KANK1: variants seen among roughly 807,000 people sequenced by gnomAD.
KANK1 encodes KN motif and ankyrin repeat domains 1.
A neutral mutation model predicts 106.2 loss-of-function variants in KANK1; 109 were observed. That is an observed-to-expected ratio of 1.03 (90% CI 0.88 to 1.20). KANK1 has a LOEUF of 1.20. Ranked by LOEUF, KANK1 falls within the 50% of genes most tolerant of loss-of-function variation. The pLI, the probability that KANK1 is intolerant of heterozygous loss-of-function variation, is 0.00. For synonymous variants in KANK1, 873 were observed against 652.2 expected, an observed-to-expected ratio of 1.34 and a Z score of -5.16; for missense variants, 2,399 against 1,710.7, an observed-to-expected ratio of 1.40 and a Z score of -7.10.
At chr9:597,912 G>T (rs1007458255) in intron 1 of KANK1, among the ~76,000 whole-genome samples, 1 of 151,414 alleles carries the variant, frequency 6.6e-6, no homozygotes, top group Admixed American at 6.6e-5. Context: ...TGATCCACCC[G>T]CCTCAGCCTC....
chr9:713,159 G>T lies in KANK1; in HGVS notation c.2393G>T (p.Gly798Val). The T allele has an allele frequency of 6.3e-7, 1 of 1,590,744 alleles. No individual in the cohort carries two copies. The highest frequency in any genetic ancestry group is 8.6e-7 in the Non-Finnish European group (1 of 1,167,446). Residue 798 changes from glycine (G) to valine (V), a missense_variant, in exon 3 of 12, where the codon GGG (glycine) becomes GTG (valine). Gly to Val is a moderately radical substitution (Grantham distance 109). Coordinates refer to ENST00000382297, the MANE Select transcript of KANK1 (RefSeq NM_015158.5). ...VGLTASRRSVGVGDDPVGESL... is the reference protein window; with the variant it reads ...VGLTASRRSVVVGDDPVGESL... ...CTGACAGCCAGCAGAAGGAGCGTGG[G>T]GGTTGGGGATGACCCTGTAGGGGAA...
At chr9:692,497 T>G (rs909987439) in intron 2 of KANK1, among the ~76,000 whole-genome samples, 1 of 127,326 alleles carries the variant, frequency 7.9e-6, no homozygotes, top group African/African-American at 2.8e-5. Flanking sequence ...TTGGGTTAGA[T>G]TTTTTCTTCC....
chr9:658,770 T>A lies in KANK1; in HGVS notation c.-83-18120T>A, dbSNP rs984134085. On this transcript the variant is annotated intron_variant, in intron 1 of 11. Transcript: ENST00000382297. ...CTGAAAGAGTTTTTCTTTTCTGAAA[T>A]GCCTTTGTCAAAAATCGCATAGGCA... Among the ~76,000 whole-genome samples, 79 of 152,226 alleles carry A rather than the reference T, an allele frequency of 5.2e-4. 6 individuals are homozygous for A.
chr9:501,332 A>C (rs954218926), upstream of KANK1, among the ~76,000 whole-genome samples: 3 of 152,168 alleles, frequency 2.0e-5, no homozygotes, highest in African/African-American at 7.2e-5. Flanking sequence ...GTCTGCCCCC[A>C]AGGTTTTCAG....
chr9:493,812 G>T (rs542536577), intron 3 of KANK1, among the ~76,000 whole-genome samples: 5 of 152,000 alleles, frequency 3.3e-5, no homozygotes. Flanking sequence ...CTCCCAAAAT[G>T]CTGGGATTAC....
intron 1 of KANK1, among the ~76,000 whole-genome samples, chr9:655,365 C>G (rs1190768452): frequency 1.6e-5 from 1 of 63,242 alleles, no homozygotes; most frequent in African/African-American, 6.7e-5. Flanking sequence ...GAGCAAAATT[C>G]TGTCTAAAAA....
At chr9:524,570 T>A (rs1252752507) in intron 1 of KANK1, among the ~76,000 whole-genome samples, 1 of 151,622 alleles carries the variant, frequency 6.6e-6, no homozygotes, top group African/African-American at 2.4e-5. Context: ...CAGGCTGAAG[T>A]GCAGTGCTGC....
chr9:622,728 C>G (rs1452352501), intron 1 of KANK1, among the ~76,000 whole-genome samples: 1 of 151,872 alleles, frequency 6.6e-6, no homozygotes, highest in Non-Finnish European at 1.5e-5. Flanking sequence ...ATAGTGAAAC[C>G]CCATCTTTAC....
At chr9:523,540 G>T (rs936387529) in intron 1 of KANK1, among the ~76,000 whole-genome samples, 2 of 151,710 alleles carry the variant, frequency 1.3e-5, no homozygotes, top group African/African-American at 2.4e-5. Context: ...GTTTCTATGG[G>T]AGGAAAAGTT....
intron 1 of KANK1, among the ~76,000 whole-genome samples, chr9:665,199 T>C (rs1844288823): frequency 6.6e-6 from 1 of 152,206 alleles, no homozygotes; most frequent in Non-Finnish European, 1.5e-5. Context: ...TTTTCGTTTT[T>C]GTTGCCTATG....
At chr9:736,427 G>A (rs534851387) in intron 7 of KANK1, among the ~76,000 whole-genome samples, 98 of 152,268 alleles carry the variant, frequency 6.4e-4, no homozygotes, top group Admixed American at 5.6e-3. Context: ...GTCAAGTCCA[G>A]GCACAGTGGC....
upstream of KANK1, among the ~76,000 whole-genome samples, chr9:501,425 T>A (rs1252125068): frequency 4.0e-5 from 6 of 149,846 alleles, no homozygotes; most frequent in African/African-American, 1.5e-4. Context: ...AAAAAAAAAA[T>A]AGTGTTGCAT....
chr9:712,823 C>G lies in KANK1; in HGVS notation c.2057C>G (p.Thr686Ser). Reference sequence around the variant, plus strand: ...GAACAGGTGCACCAGTTCACCAACACCGAGACGGCCACCCTCATAGAGTCC... The same window carrying G: ...GAACAGGTGCACCAGTTCACCAACAGCGAGACGGCCACCCTCATAGAGTCC... ...DLEQVHQFTN[T>S]ETATLIESCT... The change falls in exon 3 of 12, where the codon ACC (threonine) becomes AGC (serine). Residue 686 changes from threonine (T) to serine (S), a missense_variant. Thr to Ser is a moderately conservative substitution (Grantham distance 58, BLOSUM62 1). Coordinates refer to ENST00000382297, the MANE Select transcript of KANK1 (RefSeq NM_015158.5). 1 of 1,613,972 alleles carries G rather than the reference C, an allele frequency of 6.2e-7. No individual in the cohort carries two copies. The highest frequency in any genetic ancestry group is 8.5e-7 in the Non-Finnish European group (1 of 1,179,972).
chr9:564,618 A>G (rs1013349353), intron 1 of KANK1, among the ~76,000 whole-genome samples: 6 of 152,238 alleles, frequency 3.9e-5, no homozygotes, highest in Non-Finnish European at 7.3e-5. Flanking sequence ...TATTAATATT[A>G]AAAGCTATAC....
In KANK1 at chr9:711,008, G is replaced by A. The variant is rs753724918; in HGVS notation, c.242G>A (p.Gly81Asp). ...VPCPEPRTTSGQQGIWTSTES... is the reference protein window; with the variant it reads ...VPCPEPRTTSDQQGIWTSTES... ...TGCCCAGAACCCAGGACCACATCTG[G>A]TCAGCAAGGTATATGGACTTCCACT... is the stretch of plus-strand genomic sequence containing the variant. Residue 81 changes from glycine to aspartate, a missense_variant, in exon 3 of 12, where the codon GGT becomes GAT. Transcript: ENST00000382297. 6.2e-7 allele frequency: 1 copy of A among 1,614,176 alleles called. No individual in the cohort carries two copies. Among genetic ancestry groups the A allele is most frequent in the South Asian group, 1.1e-5 (1 of 91,082 alleles).
intron 6 of KANK1, 71 bp from the exon 7 acceptor site, chr9:734,677 T>C (rs1186280681): frequency 1.7e-6 from 2 of 1,175,386 alleles, no homozygotes; most frequent in Middle Eastern, 2.0e-4. Flanking sequence ...AAAAAAAAAT[T>C]AGATATTTGG....
rs1169609413 is a variant in KANK1, at chr9:745,848, T to G, written c.*613T>G. 6.6e-6 allele frequency: 1 copy of G among 152,640 alleles called. No homozygotes were observed. Among genetic ancestry groups the G allele is most frequent in the African/African-American group, 2.4e-5 (1 of 41,458 alleles). The allele number at this position is 152,640 out of a possible 1,614,324, so 9.5% of individuals were successfully genotyped here. A position where few individuals can be genotyped will look rare whatever the true frequency, so the allele number is the denominator to read the frequency against. On this transcript the variant is annotated 3_prime_UTR_variant, in exon 12 of 12. Transcript: ENST00000382297. ...TGAACTTGACACAGTATTTTCAGCT[T>G]TTGTATTCCATACTAAAGCCATGAA...
At chr9:710,755 CATTAGGT>C in intron 2 of KANK1, 42 bp from the exon 3 acceptor site, 2 of 1,495,578 alleles carry the variant, frequency 1.3e-6, no homozygotes, top group Non-Finnish European at 1.8e-6. Flanking sequence ...TAGTTTTTAC[CATTAGGT>C]GTATTGCATG....
At chr9:600,265 C>G (rs779200942) in intron 1 of KANK1, among the ~76,000 whole-genome samples, 4 of 151,696 alleles carry the variant, frequency 2.6e-5, no homozygotes, top group Non-Finnish European at 4.4e-5. Flanking sequence ...TTCTAGGTAC[C>G]TCATAAGTGG....
Sources: gnomAD v4.1 joint callset for allele counts (sites outside exome capture counted in the v4.1 genomes callset) on GRCh38, gnomAD v4.1.1 for gene constraint, MANE v1.5 for transcripts, NCBI Gene and HGNC (gene_info 2026-07-23, HGNC 2026-07-21) for gene names.